The following TOP6BL variants were observed in gnomAD, a reference collection of about 807,000 sequenced individuals.
TOP6BL encodes TOP6B like initiator of meiotic double strand breaks.
the TOP6BL span, among the ~76,000 whole-genome samples, chr11:66,751,572 A>G: frequency 6.6e-6 from 1 of 151,380 alleles, no homozygotes; most frequent in Non-Finnish European, 1.5e-5. Flanking sequence ...CCTGGACTCA[A>G]GCGATCCACC....
chr11:66,790,005 G>A, the TOP6BL span, among the ~76,000 whole-genome samples: 40 of 152,300 alleles, frequency 2.6e-4, no homozygotes, highest in African/African-American at 8.7e-4. Flanking sequence ...GGGCGCCGTG[G>A]CTCACACCTG....
At chr11:66,755,861 TTCTC>T in the TOP6BL span, among the ~76,000 whole-genome samples, 1 of 152,190 alleles carries the variant, frequency 6.6e-6, no homozygotes, top group Non-Finnish European at 1.5e-5. Flanking sequence ...TCCTCTGTAT[TTCTC>T]TCTTTCTTCA....
chr11:66,765,755 A>T, the TOP6BL span, among the ~76,000 whole-genome samples: 2 of 152,314 alleles, frequency 1.3e-5, no homozygotes, highest in African/African-American at 4.8e-5. Flanking sequence ...ACCTCAGGTG[A>T]TCCACCCGCC....
the TOP6BL span, among the ~76,000 whole-genome samples, chr11:66,797,839 G>T: frequency 6.6e-6 from 1 of 152,084 alleles, no homozygotes; most frequent in Non-Finnish European, 1.5e-5. Context: ...TTGAATATTA[G>T]AGAGCTAAAT....
chr11:66,840,778 G>A, the TOP6BL span, among the ~76,000 whole-genome samples: 1 of 152,192 alleles, frequency 6.6e-6, no homozygotes, highest in Non-Finnish European at 1.5e-5. Flanking sequence ...GTAAGGCTAT[G>A]ACTCGCCTGG....
chr11:66,745,498 C>T, the TOP6BL span, among the ~76,000 whole-genome samples: 858 of 152,328 alleles, frequency 5.6e-3, 2 homozygotes, highest in Admixed American at 0.011. Flanking sequence ...CGGCACTGAG[C>T]GCCTGGCGCC....
the TOP6BL span, among the ~76,000 whole-genome samples, chr11:66,808,056 C>A: frequency 6.6e-6 from 1 of 152,242 alleles, no homozygotes; most frequent in African/African-American, 2.4e-5. Context: ...GCATCCTGTG[C>A]TCCCAATTAT....
chr11:66,759,947 A>G, the TOP6BL span, among the ~76,000 whole-genome samples: 1 of 152,182 alleles, frequency 6.6e-6, no homozygotes, highest in Non-Finnish European at 1.5e-5. Flanking sequence ...CATTTATTTT[A>G]AGGAAGCCAA....
At chr11:66,822,724 C>A in the TOP6BL span, 2 of 1,330,418 alleles carry the variant, frequency 1.5e-6, no homozygotes, top group Non-Finnish European at 2.1e-6. Context: ...AGGGTTTTGG[C>A]TGGGTACGGT....
chr11:66,796,186 G>T, the TOP6BL span: 1 of 918,310 alleles, frequency 1.1e-6, no homozygotes, highest in Non-Finnish European at 1.7e-6. Context: ...GCTTTCTGAG[G>T]TATAGTTACT....
At chr11:66,780,173 G>A in the TOP6BL span, among the ~76,000 whole-genome samples, 1 of 152,018 alleles carries the variant, frequency 6.6e-6, no homozygotes, top group Admixed American at 6.6e-5. Context: ...AGAAACTGTG[G>A]TATTGGCAAA....
chr11:66,810,799 A>G, the TOP6BL span, among the ~76,000 whole-genome samples: 699 of 152,314 alleles, frequency 4.6e-3, 9 homozygotes, highest in African/African-American at 0.016. Context: ...TCCTTTTGGC[A>G]TAGTGATTTG....
the TOP6BL span, among the ~76,000 whole-genome samples, chr11:66,761,246 C>G: frequency 1.3e-5 from 2 of 152,050 alleles, no homozygotes; most frequent in African/African-American, 4.8e-5. Flanking sequence ...TGGCGGGCGC[C>G]TGTAGTCCCA....
At chr11:66,764,435 C>T in the TOP6BL span, among the ~76,000 whole-genome samples, 5 of 143,884 alleles carry the variant, frequency 3.5e-5, no homozygotes, top group African/African-American at 1.0e-4. Context: ...GGGCGGATCA[C>T]AAGGTCAGGA....
the TOP6BL span, among the ~76,000 whole-genome samples, chr11:66,802,476 A>AG: frequency 6.6e-6 from 1 of 151,514 alleles, no homozygotes; most frequent in East Asian, 1.9e-4. Flanking sequence ...TTTAAAAAAA[A>AG]TTTTTTTTTG....
chr11:66,830,102 T>C, the TOP6BL span, among the ~76,000 whole-genome samples: 1 of 152,230 alleles, frequency 6.6e-6, no homozygotes, highest in African/African-American at 2.4e-5. Context: ...CAGAAGAATA[T>C]GCATTCTTTT....
At chr11:66,817,905 T>C in the TOP6BL span, among the ~76,000 whole-genome samples, 1 of 152,204 alleles carries the variant, frequency 6.6e-6, no homozygotes, top group African/African-American at 2.4e-5. Context: ...AGGAGTTGAC[T>C]TCTGCATTTT....
chr11:66,843,516 CCCGAGTCGGCGGCGCTGGGCGG>C, the TOP6BL span: 2 of 1,498,640 alleles, frequency 1.3e-6, no homozygotes, highest in Non-Finnish European at 1.8e-6. Context: ...GGAGCGGCCG[CCCGAGTCGGCGGCGCTGGGCGG>C]CCTGGGCCCC....
the TOP6BL span, among the ~76,000 whole-genome samples, chr11:66,829,068 CAAAAAAAAAAAA>C: frequency 6.0e-4 from 20 of 33,102 alleles, no homozygotes; most frequent in Admixed American, 4.8e-3. Flanking sequence ...GCCTCTGTCT[CAAAAAAAAAAAA>C]AAAAAAAAAA....
Sources: allele counts gnomAD v4.1 joint callset (sites outside exome capture counted in the v4.1 genomes callset), GRCh38; gene constraint gnomAD v4.1.1; transcripts MANE v1.5; gene names NCBI Gene and HGNC (gene_info 2026-07-23, HGNC 2026-07-21).